Variants in ADAM12 observed in about 807,000 individuals in gnomAD.
ADAM12 encodes ADAM metallopeptidase domain 12, also known as disintegrin and metalloproteinase domain-containing protein 12.
ADAM12 carries 70 observed loss-of-function variants against 106.4 expected under a neutral mutation model. That is an observed-to-expected ratio of 0.66 (90% CI 0.54 to 0.80). The LOEUF (loss-of-function observed/expected upper bound fraction) is 0.80. Ranked by LOEUF, ADAM12 falls within the 30% of genes least tolerant of loss-of-function variation. The pLI is 0.00. For missense variants in ADAM12, 1,010 were observed against 1,171.9 expected, an observed-to-expected ratio of 0.86 and a Z score of 2.02; for synonymous variants, 420 against 433.5, an observed-to-expected ratio of 0.97 and a Z score of 0.39.
intron 3 of ADAM12, among the ~76,000 whole-genome samples, chr10:126,203,773 T>C (rs531316460): frequency 8.4e-4 from 128 of 152,310 alleles, no homozygotes; most frequent in African/African-American, 2.8e-3. Context: ...GTTTCATAAC[T>C]TTGGGCAATG....
intron 1 of ADAM12, among the ~76,000 whole-genome samples, chr10:126,355,036 T>TA (rs1187989596): frequency 1.3e-5 from 2 of 152,084 alleles, no homozygotes; most frequent in African/African-American, 2.4e-5. Flanking sequence ...TGTTGAAAGG[T>TA]AAAAAATTTT....
At chr10:126,369,540 A>T (rs1856037746) in intron 1 of ADAM12, among the ~76,000 whole-genome samples, 1 of 152,136 alleles carries the variant, frequency 6.6e-6, no homozygotes, top group Non-Finnish European at 1.5e-5. Context: ...CAAGTGTTGG[A>T]GTGAGAGTGG....
chr10:126,041,984 C>T (rs1184912683), intron 18 of ADAM12: 15 of 1,432,172 alleles, frequency 1.0e-5, no homozygotes, highest in Non-Finnish European at 1.3e-5. Flanking sequence ...TGGACTTCCC[C>T]TCCTGAGCCC....
At chr10:126,190,557 A>C (rs1231833572) in intron 3 of ADAM12, among the ~76,000 whole-genome samples, 3 of 152,052 alleles carry the variant, frequency 2.0e-5, no homozygotes, top group Non-Finnish European at 2.9e-5. Context: ...GGAGGCTGGG[A>C]ATTTCACCAA....
At chr10:126,342,679 G>A (rs1854971115) in intron 1 of ADAM12, among the ~76,000 whole-genome samples, 2 of 152,212 alleles carry the variant, frequency 1.3e-5, no homozygotes, top group Non-Finnish European at 2.9e-5. Context: ...GTCCAATCCA[G>A]TATCGGCTGG....
intron 3 of ADAM12, among the ~76,000 whole-genome samples, chr10:126,172,508 C>G (rs926115321): frequency 6.6e-6 from 1 of 152,144 alleles, no homozygotes; most frequent in Non-Finnish European, 1.5e-5. Flanking sequence ...CAAAAAAAAG[C>G]TCATCATCAC....
intron 14 of ADAM12, among the ~76,000 whole-genome samples, chr10:126,056,433 T>G (rs1382868417): frequency 6.6e-6 from 1 of 152,220 alleles, no homozygotes; most frequent in Non-Finnish European, 1.5e-5. Context: ...CCCTGTCATC[T>G]ACTTTGTTCA....
intron 3 of ADAM12, among the ~76,000 whole-genome samples, chr10:126,254,952 C>A (rs141026170): frequency 4.3e-4 from 66 of 152,318 alleles, no homozygotes; most frequent in African/African-American, 1.5e-3. Context: ...TCCCCCTTTA[C>A]AAACCACAGA....
intron 3 of ADAM12, among the ~76,000 whole-genome samples, chr10:126,189,205 G>C (rs1450036032): frequency 6.6e-6 from 1 of 152,138 alleles, no homozygotes; most frequent in Non-Finnish European, 1.5e-5. Context: ...GAAGGACAAG[G>C]GCTCACCAGG....
At chr10:126,145,192 T>C (rs577733744) in intron 4 of ADAM12, among the ~76,000 whole-genome samples, 1 of 152,222 alleles carries the variant, frequency 6.6e-6, no homozygotes, top group South Asian at 2.1e-4. Flanking sequence ...CCACAGAGTA[T>C]GGGATGTTTA....
intron 14 of ADAM12, among the ~76,000 whole-genome samples, chr10:126,060,750 C>T (rs1954736425): frequency 6.6e-6 from 1 of 152,212 alleles, no homozygotes; most frequent in African/African-American, 2.4e-5. Context: ...ATCCATGCCT[C>T]CCGGGAGGAT....
intron 2 of ADAM12, among the ~76,000 whole-genome samples, chr10:126,294,115 G>A (rs1238838894): frequency 3.3e-5 from 5 of 152,234 alleles, no homozygotes; most frequent in South Asian, 4.2e-4. Flanking sequence ...CATAAAATGC[G>A]CTCATCCCTT....
chr10:126,017,223 G>T lies in ADAM12; in HGVS notation c.*56C>A, dbSNP rs368307467. 6.9e-7 allele frequency: 1 copy of T among 1,453,918 alleles called. No individual in the cohort carries two copies. Among genetic ancestry groups the T allele is most frequent in the South Asian group, 1.3e-5 (1 of 77,270 alleles). The allele number at this position is 1,453,918 out of a possible 1,614,324, so 90.1% of individuals were successfully genotyped here. A position where few individuals can be genotyped will look rare whatever the true frequency, so the allele number is the denominator to read the frequency against. On this transcript the variant is annotated 3_prime_UTR_variant, in exon 23 of 23. Coordinates refer to ENST00000448723, the MANE Select transcript of ADAM12 (RefSeq NM_001288973.2). ...AAGTTGGTACAAAAAACTCCAACTG[G>T]AGCTGAAAGATAGTGCAAACTTCTG...
In ADAM12 at chr10:126,368,137, A is replaced by ATGTG. The variant is rs1367513020; in HGVS notation, c.88+19917_88+19920dup. ...TATATGTATGCATGTGTGTATATAT[A>ATGTG]TGTGTGTATGTGTATATATAATATA... On this transcript the variant is annotated intron_variant, in intron 1 of 22. Coordinates refer to ENST00000448723, the MANE Select transcript of ADAM12 (RefSeq NM_001288973.2). Among the ~76,000 whole-genome samples, 47 of 152,010 alleles carry ATGTG rather than the reference A, an allele frequency of 3.1e-4. No homozygotes were observed. The East Asian group carries it at 8.7e-3, about 28-fold the overall frequency.
At chr10:126,348,103 T>G (rs1855215415) in intron 1 of ADAM12, among the ~76,000 whole-genome samples, 1 of 152,196 alleles carries the variant, frequency 6.6e-6, no homozygotes, top group African/African-American at 2.4e-5. Flanking sequence ...TCTTAGCACC[T>G]GTACATTTAG....
chr10:126,099,601 A>T (rs1213801914), intron 9 of ADAM12, among the ~76,000 whole-genome samples: 1 of 152,228 alleles, frequency 6.6e-6, no homozygotes, highest in African/African-American at 2.4e-5. Context: ...CTCTGACTCA[A>T]AATACATAAA....
chr10:126,368,856 T>C (rs1214557409), intron 1 of ADAM12, among the ~76,000 whole-genome samples: 1 of 152,140 alleles, frequency 6.6e-6, no homozygotes, highest in Non-Finnish European at 1.5e-5. Context: ...AGCTATAGAA[T>C]ATCCAAACCC....
chr10:126,175,399 T>C (rs556901545), intron 3 of ADAM12, among the ~76,000 whole-genome samples: 1 of 152,062 alleles, frequency 6.6e-6, no homozygotes, highest in Non-Finnish European at 1.5e-5. Flanking sequence ...GCTCGGAAAA[T>C]AAAACTCAAA....
At chr10:126,330,705 T>C (rs1470270735) in intron 1 of ADAM12, among the ~76,000 whole-genome samples, 196 bp from the exon 2 acceptor site, 1 of 152,212 alleles carries the variant, frequency 6.6e-6, no homozygotes, top group Non-Finnish European at 1.5e-5. Flanking sequence ...ATTTTGTAAC[T>C]TAAAGAAAAC....
Sources: gnomAD v4.1 joint callset for allele counts (sites outside exome capture counted in the v4.1 genomes callset) on GRCh38, gnomAD v4.1.1 for gene constraint, MANE v1.5 for transcripts, NCBI Gene and HGNC (gene_info 2026-07-23, HGNC 2026-07-21) for gene names.